Variants in GAK observed in about 807,000 individuals in gnomAD.
The protein encoded by GAK is cyclin G associated kinase.
A neutral mutation model predicts 143.9 loss-of-function variants in GAK; 79 were observed. The observed-to-expected ratio is 0.55, with a 90% CI of 0.46 to 0.66. The LOEUF (loss-of-function observed/expected upper bound fraction) is 0.66. GAK is among the 30% of genes least tolerant of loss of function. The pLI, the probability that GAK is intolerant of heterozygous loss-of-function variation, is 0.00. For missense variants in GAK, 1,693 were observed against 1,779.7 expected (o/e 0.95, Z 0.88); for synonymous variants, 881 against 765.5 (o/e 1.15, Z -2.49).
At chr4:895,335 T>A (rs1241582468) in intron 7 of GAK, among the ~76,000 whole-genome samples, 2 of 152,182 alleles carry the variant, frequency 1.3e-5, no homozygotes, top group African/African-American at 2.4e-5. Context: ...CAGGATCTTA[T>A]CCAGCCAAGA....
In GAK at chr4:883,546, G is replaced by T. The variant is rs574690770; in HGVS notation, c.1256-83C>A. On this transcript the variant is annotated intron_variant, in intron 12 of 27. Coordinates refer to ENST00000314167, the MANE Select transcript of GAK (RefSeq NM_005255.4). Reference sequence around the variant, plus strand: ...CTGCTGCGGCCTCGCTGCTCCTGACGCCCCCGGGCAAGCGCAGCCTCCGGC... The same window carrying T: ...CTGCTGCGGCCTCGCTGCTCCTGACTCCCCCGGGCAAGCGCAGCCTCCGGC... 2.6e-6 allele frequency: 4 copies of T among 1,513,132 alleles called. No individual in the cohort carries two copies. The Admixed American group carries it at 6.9e-5, about 26-fold the overall frequency. The allele number at this position is 1,513,132 out of a possible 1,614,324, so 93.7% of individuals were successfully genotyped here. A position where few individuals can be genotyped will look rare whatever the true frequency, so the allele number is the denominator to read the frequency against.
chr4:911,742 C>T lies in GAK; in HGVS notation c.313G>A (p.Ala105Thr). Reference protein sequence around the residue: ...HPNIVQFCSAASIGKEESDTG... With the variant: ...HPNIVQFCSATSIGKEESDTG... Reference sequence around the variant, plus strand: ...TCTGACTCCTCTTTTCCTATAGACGCTGCAGAACAAAACTGGACAATGTTC... The same window carrying T: ...TCTGACTCCTCTTTTCCTATAGACGTTGCAGAACAAAACTGGACAATGTTC... Residue 105 changes from alanine (A) to threonine (T), a missense_variant, in exon 4 of 28, where the codon GCG becomes ACG. Coordinates refer to ENST00000314167, the MANE Select transcript of GAK (RefSeq NM_005255.4). The T allele has an allele frequency of 6.2e-7, 1 of 1,614,082 alleles. No individual in the cohort carries two copies. The highest frequency in any genetic ancestry group is 8.5e-7 in the Non-Finnish European group (1 of 1,179,978).
At chr4:883,514 C>T (rs1189567085) in intron 12 of GAK, 51 bp from the exon 13 acceptor site, 1 of 1,599,422 alleles carries the variant, frequency 6.3e-7, no homozygotes, top group Non-Finnish European at 8.5e-7. Flanking sequence ...ACCTCGTGGC[C>T]AGGCTGCTGC....
chr4:864,655 T>C (rs1750835165), intron 23 of GAK, among the ~76,000 whole-genome samples: 1 of 151,858 alleles, frequency 6.6e-6, no homozygotes, highest in East Asian at 1.9e-4. Context: ...ACACGACTGC[T>C]GTACATGACC....
chr4:863,764 C>T (rs1750683521), intron 23 of GAK, among the ~76,000 whole-genome samples: 1 of 152,252 alleles, frequency 6.6e-6, no homozygotes, highest in Non-Finnish European at 1.5e-5. Flanking sequence ...GTGGCTCACG[C>T]CTGTAATCCC....
chr4:899,747 C>A (rs1044329031), intron 5 of GAK, among the ~76,000 whole-genome samples: 1 of 152,210 alleles, frequency 6.6e-6, no homozygotes, highest in African/African-American at 2.4e-5. Context: ...CCAACCACAG[C>A]GCCCTGCAGA....
chr4:893,427 G>T lies in GAK; in HGVS notation c.940C>A (p.Gln314Lys). Reference sequence around the variant, plus strand: ...ACGTTGCGGGCGGCCGCGATCTCCTGCAGCTGGTGCACCACCTCGGCGATG... The same window carrying T: ...ACGTTGCGGGCGGCCGCGATCTCCTTCAGCTGGTGCACCACCTCGGCGATG... ...LSIAEVVHQL[Q>K]EIAAARNVNP... Residue 314 changes from glutamine to lysine, a missense_variant, in exon 9 of 28, where the codon CAG becomes AAG. Physicochemically the swap from Gln to Lys is moderately conservative, Grantham distance 53. This residue lies in a region of GAK where 871 missense variants were observed against 991.0 expected (regional missense o/e 0.88). Coordinates refer to ENST00000314167, the MANE Select transcript of GAK (RefSeq NM_005255.4). The T allele has an allele frequency of 1.3e-6, 2 of 1,594,028 alleles. No homozygotes were observed.
At position 849,838 on chromosome 4, in the gene GAK, C is replaced by CA. The variant is rs1481445636; in HGVS notation, c.3834+53_3834+54insT. On this transcript the variant is annotated intron_variant, in intron 27 of 27. Coordinates refer to ENST00000314167, the MANE Select transcript of GAK (RefSeq NM_005255.4). The stretch of plus-strand genomic sequence containing the variant: ...TGCGGGGGCGGGCGGGGCAGGACCC[C>CA]CCCCCCGCCCCGCCCCTGAAGGCCT... 6 of 1,104,922 alleles carry CA rather than the reference C, an allele frequency of 5.4e-6. No homozygotes were observed. In the South Asian group the frequency reaches 5.5e-5, roughly 10 times the overall value. The allele number at this position is 1,104,922 out of a possible 1,614,324, so 68.4% of individuals were successfully genotyped here. A position where few individuals can be genotyped will look rare whatever the true frequency, so the allele number is the denominator to read the frequency against.
intron 12 of GAK, 84 bp from the exon 13 acceptor site, chr4:883,547 C>T (rs1715610657): frequency 2.6e-6 from 4 of 1,512,418 alleles, no homozygotes; most frequent in Admixed American, 1.7e-5. Flanking sequence ...GCTCCTGACG[C>T]CCCCGGGCAA....
chr4:867,433 C>T lies in GAK; in HGVS notation c.2396-1G>A. 6.6e-7 allele frequency: 1 copy of T among 1,515,922 alleles called. No individual in the cohort carries two copies. The highest frequency in any genetic ancestry group is 8.9e-7 in the Non-Finnish European group (1 of 1,128,736). The allele number at this position is 1,515,922 out of a possible 1,614,324, so 93.9% of individuals were successfully genotyped here. ...GCACCAGTCTCTGCCTCCTTCTCTT[C>T]TGCGAAAAGGAAACAAAACCACAGG... On this transcript the variant is annotated splice_acceptor_variant, in intron 20 of 27. Transcript: ENST00000314167. LOFTEE classifies it high-confidence loss of function.
chr4:870,983 G>A (rs2152765839), intron 18 of GAK, 79 bp from the exon 19 acceptor site: 1 of 1,285,686 alleles, frequency 7.8e-7, no homozygotes, highest in Non-Finnish European at 1.1e-6. Flanking sequence ...AAAGAAACGT[G>A]CATGGAAACA....
At chr4:878,797 C>T (rs1355941028) in intron 15 of GAK, among the ~76,000 whole-genome samples, 1 of 152,196 alleles carries the variant, frequency 6.6e-6, no homozygotes, top group Non-Finnish European at 1.5e-5. Flanking sequence ...GAGCATAAAC[C>T]CCCCAGAGTC....
chr4:854,345 T>C (rs1219949481), intron 24 of GAK, among the ~76,000 whole-genome samples: 3 of 152,208 alleles, frequency 2.0e-5, no homozygotes, highest in African/African-American at 4.8e-5. Context: ...CTTTGTCAAA[T>C]AGGTGGTTTG....
chr4:907,930 C>A (rs1721376915), intron 4 of GAK, among the ~76,000 whole-genome samples: 1 of 152,166 alleles, frequency 6.6e-6, no homozygotes, highest in Non-Finnish European at 1.5e-5. Flanking sequence ...TGGGCCCGGC[C>A]CCTCTCCTTC....
intron 1 of GAK, among the ~76,000 whole-genome samples, chr4:922,332 T>A (rs1249126346): frequency 6.6e-6 from 1 of 151,912 alleles, no homozygotes; most frequent in Admixed American, 6.6e-5. Flanking sequence ...CTGGGAAACA[T>A]GGTGAAACCC....
At chr4:884,338 G>A (rs1715810223) in intron 11 of GAK, 3 of 511,324 alleles carry the variant, frequency 5.9e-6, no homozygotes, top group African/African-American at 2.0e-5. Context: ...GGTGAGACAG[G>A]AGAGACATCC....
At chr4:854,118 CTT>C (rs573575985) in intron 24 of GAK, among the ~76,000 whole-genome samples, 15 of 139,220 alleles carry the variant, frequency 1.1e-4, no homozygotes, top group Non-Finnish European at 1.6e-4. Flanking sequence ...CATTTTCTTT[CTT>C]TTTTTTTTTT....
Position 849,791 on chromosome 4 carries a change from G to T in GAK, c.3835-17C>A. On this transcript the variant is annotated splice_polypyrimidine_tract_variant and intron_variant, in intron 27 of 27. Coordinates refer to ENST00000314167, the MANE Select transcript of GAK (RefSeq NM_005255.4). ...CCCCGCAGCCTATGGGTGACAGGCG[G>T]TGTAAGCGCCTCTTATAAGCATGCG... is the stretch of plus-strand genomic sequence containing the variant. 1.2e-6 allele frequency: 2 copies of T among 1,602,068 alleles called. No homozygotes were observed. Among genetic ancestry groups the T allele is most frequent in the Non-Finnish European group, 1.7e-6 (2 of 1,171,144 alleles).
chr4:851,893 C>G lies in GAK; in HGVS notation c.3365G>C (p.Ser1122Thr), dbSNP rs753631196. 4.3e-6 allele frequency: 7 copies of G among 1,611,608 alleles called. No individual in the cohort carries two copies. The highest frequency in any genetic ancestry group is 5.9e-6 in the Non-Finnish European group (7 of 1,178,408). Residue 1122 changes from serine (S) to threonine (T), a missense_variant, in exon 25 of 28, where the codon AGT becomes ACT. By Grantham distance (58) the Ser-to-Thr change is moderately conservative. Transcript: ENST00000314167. ...TGAGGCGCCCTGGGCTGGCGGCCGA[C>G]TTGTCTGCCAGGAGCTGCTGCCTTT... ...TPKGSSSWQT[S>T]RPPAQGASWP...
Sources: gnomAD v4.1 joint callset for allele counts (sites outside exome capture counted in the v4.1 genomes callset) on GRCh38, gnomAD v4.1.1 for gene constraint, gnomAD v4.1.1 regional missense constraint, MANE v1.5 for transcripts, NCBI Gene and HGNC (gene_info 2026-07-23, HGNC 2026-07-21) for gene names.